The following SPTSSA variants were observed in gnomAD, a reference collection of about 807,000 sequenced individuals.
The protein encoded by SPTSSA is small subunit of serine palmitoyltransferase A.
A neutral mutation model predicts 9.1 loss-of-function variants in SPTSSA; 8 were observed. That is an observed-to-expected ratio of 0.88 (90% CI 0.51 to 1.58). The LOEUF (loss-of-function observed/expected upper bound fraction) is 1.58. Among genes scored for constraint, SPTSSA ranks in the 40% most tolerant of loss-of-function variants. The pLI is 0.00. For missense variants in SPTSSA, 100 were observed against 93.8 expected (o/e 1.07, Z -0.27); for synonymous variants, 42 against 37.7 (o/e 1.11, Z -0.41).
At chr14:34,441,490 C>T (rs919773135) in intron 1 of SPTSSA, among the ~76,000 whole-genome samples, 34 of 152,176 alleles carry the variant, frequency 2.2e-4, no homozygotes, top group African/African-American at 1.2e-4. Flanking sequence ...TCATTCCTTC[C>T]TTGCTTTGTT....
In SPTSSA at chr14:34,457,665, C is replaced by T. The variant is rs112775369; in HGVS notation, c.112+4431G>A. ...AAAGCCAATGTATCACTTCAAATGT[C>T]TCATCAGAAGACAGATGGTAGCCCA... On this transcript the variant is annotated intron_variant, in intron 1 of 1. Transcript: ENST00000298130. Among the ~76,000 whole-genome samples the T allele has an allele frequency of 5.9e-3, 891 of 152,264 alleles. 15 individuals carry two copies. The highest frequency in any genetic ancestry group is 0.02 in the African/African-American group (812 of 41,534).
intron 1 of SPTSSA, among the ~76,000 whole-genome samples, chr14:34,449,374 G>C (rs1467027586): frequency 6.6e-6 from 1 of 151,874 alleles, no homozygotes; most frequent in Middle Eastern, 3.2e-3. Flanking sequence ...TAGCCTGGAT[G>C]ACTGAGTGAT....
chr14:34,460,868 G>C (rs1878604075), intron 1 of SPTSSA, among the ~76,000 whole-genome samples: 1 of 152,120 alleles, frequency 6.6e-6, no homozygotes, highest in Admixed American at 6.6e-5. Context: ...TATGCATTCT[G>C]GTTCTTAAAT....
intron 1 of SPTSSA, among the ~76,000 whole-genome samples, chr14:34,444,346 T>C (rs1308399411): frequency 6.6e-6 from 1 of 152,246 alleles, no homozygotes; most frequent in African/African-American, 2.4e-5. Flanking sequence ...CTTGCCTGCC[T>C]TCCAGCTAGG....
chr14:34,443,171 G>GTGTGTGTGTT (rs775781106), intron 1 of SPTSSA, among the ~76,000 whole-genome samples: 1,911 of 62,094 alleles, frequency 0.031, 381 homozygotes, highest in African/African-American at 0.071. Context: ...GTGTGTGTGT[G>GTGTGTGTGTT]TTTTGAGATT....
intron 1 of SPTSSA, among the ~76,000 whole-genome samples, chr14:34,444,707 G>A (rs187443795): frequency 6.7e-6 from 1 of 150,350 alleles, no homozygotes; most frequent in Non-Finnish European, 1.5e-5. Flanking sequence ...AGTCGAGATC[G>A]CACCATTGTA....
intron 1 of SPTSSA, among the ~76,000 whole-genome samples, chr14:34,444,679 G>A (rs1268864811): frequency 1.3e-5 from 2 of 151,200 alleles, no homozygotes; most frequent in Non-Finnish European, 2.9e-5. Context: ...TTGAACCCAG[G>A]AGGTGGAGGT....
In SPTSSA at chr14:34,462,031, G is replaced by A. The variant is rs1018130639; in HGVS notation, c.112+65C>T. 1.3e-5 allele frequency: 15 copies of A among 1,159,876 alleles called. No individual in the cohort carries two copies. In the African/African-American group the frequency reaches 2.3e-4, roughly 18 times the overall value. 71.8% of individuals were successfully genotyped at this position (1,159,876 alleles called of 1,614,324 possible). ...CCTCCACCCCAGGCCCGGGGCCTGG[G>A]GAAATGCGGCCCCGCGGCCCGCGCC... On this transcript the variant is annotated intron_variant, in intron 1 of 1. Transcript: ENST00000298130.
intron 1 of SPTSSA, among the ~76,000 whole-genome samples, chr14:34,435,897 TG>T (rs1201530309): frequency 2.0e-5 from 3 of 152,150 alleles, no homozygotes; most frequent in African/African-American, 7.2e-5. Context: ...CCCAAAGTGC[TG>T]GGATTACAGG....
intron 1 of SPTSSA, among the ~76,000 whole-genome samples, chr14:34,438,502 GCAGA>G (rs978286977): frequency 6.6e-6 from 1 of 151,976 alleles, no homozygotes; most frequent in African/African-American, 2.4e-5. Context: ...CTTCCATACT[GCAGA>G]CAGATATTTC....
intron 1 of SPTSSA, among the ~76,000 whole-genome samples, chr14:34,460,860 T>G (rs1878603893): frequency 6.6e-6 from 1 of 152,232 alleles, no homozygotes; most frequent in South Asian, 2.1e-4. Context: ...ATCCAAAATA[T>G]GCATTCTGGT....
intron 1 of SPTSSA, among the ~76,000 whole-genome samples, chr14:34,443,550 T>TGTGTGTGTGTGTGTGTGTGTG (rs1555314418): frequency 8.8e-5 from 8 of 91,036 alleles, no homozygotes; most frequent in Non-Finnish European, 1.3e-4. Context: ...TGTGTGTGTG[T>TGTGTGTGTGTGTGTGTGTGTG]TTTGAGATGG....
At chr14:34,462,042 C>A (rs919842243) in intron 1 of SPTSSA, 54 bp downstream of exon 1, 3 of 1,216,582 alleles carry the variant, frequency 2.5e-6, no homozygotes, top group Non-Finnish European at 3.1e-6. Flanking sequence ...GAAATGCGGC[C>A]CCGCGGCCCG....
At chr14:34,460,059 G>GA (rs1296614934) in intron 1 of SPTSSA, among the ~76,000 whole-genome samples, 2 of 152,022 alleles carry the variant, frequency 1.3e-5, no homozygotes, top group East Asian at 1.9e-4. Context: ...GACAAGTAGG[G>GA]AAAAAAATCC....
intron 1 of SPTSSA, among the ~76,000 whole-genome samples, chr14:34,447,407 A>G (rs947992312): frequency 3.3e-5 from 5 of 152,018 alleles, no homozygotes; most frequent in Non-Finnish European, 5.9e-5. Context: ...GGAGTGCTGT[A>G]TTCTCTCAAA....
intron 1 of SPTSSA, among the ~76,000 whole-genome samples, chr14:34,435,613 G>A (rs1157611623): frequency 8.5e-6 from 1 of 117,530 alleles, no homozygotes; most frequent in Non-Finnish European, 1.8e-5. Flanking sequence ...GTTTTTGTTT[G>A]TTTGTTTCTC....
intron 1 of SPTSSA, among the ~76,000 whole-genome samples, chr14:34,451,196 T>C (rs1389517829): frequency 6.6e-6 from 1 of 152,156 alleles, no homozygotes; most frequent in Admixed American, 6.5e-5. Context: ...CCCACTTTAG[T>C]AATCTAATCA....
intron 1 of SPTSSA, among the ~76,000 whole-genome samples, chr14:34,435,544 A>T (rs1273689669): frequency 6.6e-6 from 1 of 151,652 alleles, no homozygotes; most frequent in African/African-American, 2.4e-5. Context: ...TACTATCACC[A>T]TATAAAGTAA....
chr14:34,450,208 ACTGT>A (rs1295584201), intron 1 of SPTSSA, among the ~76,000 whole-genome samples: 5 of 152,198 alleles, frequency 3.3e-5, no homozygotes, highest in Non-Finnish European at 5.9e-5. Flanking sequence ...TAACATCATG[ACTGT>A]CTATGTTTGC....
Sources: gnomAD v4.1 joint callset for allele counts (sites outside exome capture counted in the v4.1 genomes callset) on GRCh38, gnomAD v4.1.1 for gene constraint, MANE v1.5 for transcripts, NCBI Gene and HGNC (gene_info 2026-07-23, HGNC 2026-07-21) for gene names.